Variants in TRIM7 observed in about 807,000 individuals in gnomAD.
The protein encoded by TRIM7 is E3 ubiquitin-protein ligase TRIM7.
A neutral mutation model predicts 37.9 loss-of-function variants in TRIM7; 32 were observed. The ratio of observed to expected loss-of-function variants is 0.84; its 90% CI spans 0.64 to 1.13. The LOEUF (loss-of-function observed/expected upper bound fraction) is 1.13. Among genes scored for constraint, TRIM7 ranks in the 50% most tolerant of loss-of-function variants. The pLI is 0.00. For missense variants in TRIM7, 732 were observed against 714.0 expected (o/e 1.03, Z -0.29); for synonymous variants, 351 against 321.3 (o/e 1.09, Z -0.99).
intron 2 of TRIM7, 106 bp from the exon 3 acceptor site, chr5:181,200,187 G>A (rs1757392422): frequency 3.8e-6 from 6 of 1,595,994 alleles, no homozygotes; most frequent in Non-Finnish European, 4.3e-6. Context: ...TGTCACTGCT[G>A]GAGGATCGGA....
chr5:181,203,935 G>C, intron 1 of TRIM7: 2 of 1,161,028 alleles, frequency 1.7e-6, no homozygotes, highest in Non-Finnish European at 2.1e-6. Flanking sequence ...CCCCGTGGCT[G>C]GGAGAGTTGG....
chr5:181,198,310 C>A (rs1757260690), intron 5 of TRIM7, 92 bp from the exon 6 acceptor site: 1 of 1,344,404 alleles, frequency 7.4e-7, no homozygotes, highest in Non-Finnish European at 1.1e-6. Context: ...CTGACTCATT[C>A]ATTCCCCAGA....
rs943540534 is a variant in TRIM7 at position 181,205,180 on chromosome 5, G to T, written c.-70C>A. The T allele has an allele frequency of 7.9e-7, 1 of 1,261,690 alleles. No homozygotes were observed. The highest frequency in any genetic ancestry group is 1.6e-5 in the African/African-American group (1 of 64,340). 78.2% of individuals were successfully genotyped at this position (1,261,690 alleles called of 1,614,324 possible). Reference sequence around the variant, plus strand: ...CTGGACCTCACAGGACGCGGAGCTGGGCGCCGAGGGCCCACTGGGAGAGGA... The same window carrying T: ...CTGGACCTCACAGGACGCGGAGCTGTGCGCCGAGGGCCCACTGGGAGAGGA... On this transcript the variant is annotated 5_prime_UTR_variant, in exon 1 of 7. Transcript: ENST00000274773.
chr5:181,204,671 G>C lies in TRIM7; in HGVS notation c.440C>G (p.Ala147Gly). 6.6e-7 allele frequency: 1 copy of C among 1,514,256 alleles called. No homozygotes were observed. Among genetic ancestry groups the C allele is most frequent in the South Asian group, 1.2e-5 (1 of 81,678 alleles). 93.8% of individuals were successfully genotyped at this position (1,514,256 alleles called of 1,614,324 possible). A position where few individuals can be genotyped will look rare whatever the true frequency, so the allele number is the denominator to read the frequency against. The change falls in exon 1 of 7, where the codon GCC becomes GGC. Residue 147 changes from alanine to glycine, a missense_variant. Physicochemically the swap from Ala to Gly is moderately conservative, Grantham distance 60 (BLOSUM62 0). Coordinates refer to ENST00000274773, the MANE Select transcript of TRIM7 (RefSeq NM_203293.3). ...GGCGCGGTCGCACACCACGCAGATG[G>C]CGCGTCCGTCGTCCTGGCAGTAGAG... ...FKLYCQDDGRAICVVCDRARE... is the reference protein window; with the variant it reads ...FKLYCQDDGRGICVVCDRARE...
At chr5:181,204,497 C>G (rs412564) in intron 1 of TRIM7, 92 bp downstream of exon 1, 237,290 of 1,249,534 alleles carry the variant, frequency 0.19, 23,330 homozygotes, top group Non-Finnish European at 0.2. Context: ...GCCTCCTGAT[C>G]GACAGGCTGT....
intron 6 of TRIM7, chr5:181,196,609 T>C (rs1757139636): frequency 6.6e-6 from 1 of 151,850 alleles, no homozygotes; most frequent in South Asian, 2.1e-4. Flanking sequence ...TCCAGCTGTT[T>C]GGGAGGCTGA....
rs1378689566 is a variant in TRIM7 at position 181,198,786 on chromosome 5, G to A, written c.892C>T (p.Pro298Ser). The A allele has an allele frequency of 1.2e-6, 2 of 1,613,674 alleles. No homozygotes were observed. The highest frequency in any genetic ancestry group is 1.3e-5 in the African/African-American group (1 of 74,876). The change falls in exon 5 of 7, where the codon CCC (proline) becomes TCC (serine). Residue 298 changes from proline (P) to serine (S), a missense_variant. Physicochemically the swap from Pro to Ser is moderately conservative, Grantham distance 74. Coordinates refer to ENST00000274773, the MANE Select transcript of TRIM7 (RefSeq NM_203293.3). ...TLSRCSNVPG[P>S]KPTTVSSEMK... ...TCAGAAGAGACTGTGGTTGGCTTGG[G>A]GCCAGGCACATTGCTACACCTGCAG...
chr5:181,200,708 G>A (rs769396365), intron 2 of TRIM7: 26 of 989,156 alleles, frequency 2.6e-5, no homozygotes, highest in Non-Finnish European at 3.1e-5. Context: ...TCCATTAACA[G>A]CATACACCGG....
chr5:181,199,073 C>T, intron 4 of TRIM7, 22 bp downstream of exon 4: 1 of 1,614,176 alleles, frequency 6.2e-7, no homozygotes, highest in Non-Finnish European at 8.5e-7. Flanking sequence ...AGAGAGGCCC[C>T]AGGAGCTGTG....
chr5:181,203,667 G>A (rs4976838), intron 1 of TRIM7, 27 bp from the exon 2 acceptor site: 78,540 of 1,592,494 alleles, frequency 0.049, 2,465 homozygotes, highest in South Asian at 0.13. Context: ...ACAATGTAAG[G>A]TGGGGGTGAG....
chr5:181,204,694 G>T lies in TRIM7; in HGVS notation c.417C>A (p.Leu139=). ...RCGQHGEPFK[L]YCQDDGRAIC... is the part of the protein sequence containing the mutation. ...TGGCGCGTCCGTCGTCCTGGCAGTA[G>T]AGCTTGAAGGGTTCGCCATGCTGCC... The change falls in exon 1 of 7, where the codon CTC becomes CTA. Residue 139 remains leucine (L), a synonymous_variant. Transcript: ENST00000274773. The T allele has an allele frequency of 6.6e-7, 1 of 1,503,774 alleles. No homozygotes were observed. Among genetic ancestry groups the T allele is most frequent in the Admixed American group, 2.1e-5 (1 of 46,634 alleles). 93.2% of individuals were successfully genotyped at this position (1,503,774 alleles called of 1,614,324 possible). A position where few individuals can be genotyped will look rare whatever the true frequency, so the allele number is the denominator to read the frequency against.
Position 181,195,444 on chromosome 5 carries a change from G to T in TRIM7, c.1258C>A (p.Arg420=), listed in dbSNP as rs766983079. The T allele has an allele frequency of 1.9e-6, 3 of 1,608,722 alleles. No homozygotes were observed. Among genetic ancestry groups the T allele is most frequent in the Non-Finnish European group, 2.5e-6 (3 of 1,178,062 alleles). ...AFGVARESVR[R]KGLTPFTPEE... Reference sequence around the variant, plus strand: ...GGAGTGAAGGGCGTCAGGCCCTTTCGGCGCACGCTCTCGCGGGCCACGCCA... The same window carrying T: ...GGAGTGAAGGGCGTCAGGCCCTTTCTGCGCACGCTCTCGCGGGCCACGCCA... The change falls in exon 7 of 7, where the codon CGA becomes AGA. Residue 420 remains arginine (R), a synonymous_variant. Coordinates refer to ENST00000274773, the MANE Select transcript of TRIM7 (RefSeq NM_203293.3).
intron 5 of TRIM7, 87 bp from the exon 6 acceptor site, chr5:181,198,305 T>A: frequency 1.5e-6 from 2 of 1,373,502 alleles, no homozygotes; most frequent in East Asian, 2.3e-5. Flanking sequence ...CCCAACTGAC[T>A]CATTCATTCC....
At position 181,204,726 on chromosome 5, in the gene TRIM7, G is replaced by C; in HGVS notation, c.385C>G (p.Arg129Gly). The change falls in exon 1 of 7, where the codon CGC (arginine) becomes GGC (glycine). Residue 129 changes from arginine to glycine, a missense_variant. Arg to Gly is a moderately radical substitution (Grantham distance 125). Transcript: ENST00000274773. ...QAAAARAAAARCGQHGEPFKL... is the reference protein window; with the variant it reads ...QAAAARAAAAGCGQHGEPFKL... ...AAGGGTTCGCCATGCTGCCCGCAGCGGGCAGCCGCTGCCCGGGCCGCGGCC... is the reference window on the plus strand; with the variant it reads ...AAGGGTTCGCCATGCTGCCCGCAGCCGGCAGCCGCTGCCCGGGCCGCGGCC... 1 of 1,475,420 alleles carries C rather than the reference G, an allele frequency of 6.8e-7. No homozygotes were observed. The highest frequency in any genetic ancestry group is 8.9e-7 in the Non-Finnish European group (1 of 1,122,894). 91.4% of individuals were successfully genotyped at this position (1,475,420 alleles called of 1,614,324 possible). A position where few individuals can be genotyped will look rare whatever the true frequency, so the allele number is the denominator to read the frequency against.
intron 2 of TRIM7, chr5:181,203,150 G>T: frequency 1.9e-6 from 1 of 536,838 alleles, no homozygotes; most frequent in Non-Finnish European, 2.4e-6. Flanking sequence ...GACAAAACAT[G>T]CCATGAGGCT....
chr5:181,203,566 C>T lies in TRIM7; in HGVS notation c.597G>A (p.Lys199=). Residue 199 remains lysine (K), a synonymous_variant, in exon 2 of 7, where the codon AAG becomes AAA. Transcript: ENST00000274773. Reference sequence around the variant, plus strand: ...TCACCAGCAGCTCCTTGCTCTCCTTCTTTTCCGTGGACCGGAACACCTCAC... The same window carrying T: ...TCACCAGCAGCTCCTTGCTCTCCTTTTTTTCCGTGGACCGGAACACCTCAC... ...EDCEVFRSTE[K]KESKELLKQM... is the part of the protein sequence containing the mutation. 1 of 1,614,210 alleles carries T rather than the reference C, an allele frequency of 6.2e-7. No individual in the cohort carries two copies. Among genetic ancestry groups the T allele is most frequent in the Non-Finnish European group, 8.5e-7 (1 of 1,180,044 alleles).
chr5:181,199,579 A>C, intron 3 of TRIM7: 1 of 546,868 alleles, frequency 1.8e-6, no homozygotes, highest in Middle Eastern at 4.9e-4. Flanking sequence ...CAAAGTGCAT[A>C]CGTGTAGCAA....
chr5:181,204,348 C>A, intron 1 of TRIM7: 1 of 1,215,002 alleles, frequency 8.2e-7, no homozygotes. Flanking sequence ...GCAGGCGGCC[C>A]AGTATCTGGC....
intron 2 of TRIM7, chr5:181,203,251 C>G: frequency 2.4e-6 from 3 of 1,238,324 alleles, no homozygotes; most frequent in Non-Finnish European, 3.0e-6. Flanking sequence ...TCCGCAGGCC[C>G]TAACTGGTAT....
Sources: allele counts gnomAD v4.1 joint callset, GRCh38; gene constraint gnomAD v4.1.1; transcripts MANE v1.5; gene names NCBI Gene and HGNC (gene_info 2026-07-23, HGNC 2026-07-21).